The following ZZEF1 variants were observed in gnomAD, a reference collection of about 807,000 sequenced individuals.
ZZEF1 encodes zinc finger ZZ-type and EF-hand domain containing 1.
Under a neutral mutation model 342.8 loss-of-function variants are expected in ZZEF1, and 157 were observed. The observed-to-expected ratio is 0.46, with a 90% CI of 0.40 to 0.52. The LOEUF is 0.52. ZZEF1 is among the 20% of genes least tolerant of loss of function. The probability of loss-of-function intolerance (pLI) is 0.00; values close to 1 mark genes in which losing one functional copy is unlikely to be tolerated. For synonymous variants in ZZEF1, 1,505 were observed against 1,429.1 expected (o/e 1.05, Z -1.20); for missense variants, 3,480 against 3,725.6 (o/e 0.93, Z 1.72).
chr17:4,077,803 C>T (rs2057650909), intron 19 of ZZEF1, 80 bp downstream of exon 19: 1 of 1,444,578 alleles, frequency 6.9e-7, no homozygotes, highest in Admixed American at 1.8e-5. Context: ...ACACTCATTG[C>T]ATGAGTTACT....
intron 52 of ZZEF1, among the ~76,000 whole-genome samples, chr17:4,011,954 C>T (rs1292756436): frequency 3.3e-5 from 5 of 152,196 alleles, no homozygotes; most frequent in African/African-American, 9.7e-5. Context: ...CAGGCAGGCC[C>T]CTCTCTCACT....
Position 4,034,052 on chromosome 17 carries a change from GGGT to G in ZZEF1, c.6544_6546del (p.Thr2182del). On this transcript the variant is annotated inframe_deletion, in exon 40 of 55. Coordinates refer to ENST00000381638, the MANE Select transcript of ZZEF1 (RefSeq NM_015113.4). ...ACAGCTCCCAGGCTAAAGAGCAGGT[GGGT>G]GGTTTTCCAGCCATCTGGCACAATG... is the stretch of plus-strand genomic sequence containing the variant. 1 of 1,614,188 alleles carries G rather than the reference GGGT, an allele frequency of 6.2e-7. No individual in the cohort carries two copies. The highest frequency in any genetic ancestry group is 8.5e-7 in the Non-Finnish European group (1 of 1,180,034).
rs769386081 is a variant in ZZEF1, at chr17:4,059,181, G to A, written c.4993C>T (p.Leu1665=). The A allele has an allele frequency of 1.3e-6, 2 of 1,586,794 alleles. No individual in the cohort carries two copies. Among genetic ancestry groups the A allele is most frequent in the Admixed American group, 4.0e-5 (2 of 50,454 alleles). The stretch of plus-strand genomic sequence containing the variant: ...AAAGTTATCCAGTACCTGTCATTTA[G>A]GCTACTAAATCCTTTAACTGCTTTG... ...LVKAVKGFSS[L]NDRSLLPALS... The change falls in exon 31 of 55, where the codon CTA becomes TTA. Residue 1665 remains leucine (L), a synonymous_variant. Transcript: ENST00000381638.
intron 8 of ZZEF1, among the ~76,000 whole-genome samples, chr17:4,104,392 G>T (rs2058176021): frequency 6.6e-6 from 1 of 152,132 alleles, no homozygotes; most frequent in African/African-American, 2.4e-5. Flanking sequence ...GTATAGCCTT[G>T]TGGACAATCA....
chr17:4,027,518 C>T (rs1373238476), intron 42 of ZZEF1, among the ~76,000 whole-genome samples: 1 of 151,128 alleles, frequency 6.6e-6, no homozygotes, highest in Non-Finnish European at 1.5e-5. Flanking sequence ...TAGTCTCAAA[C>T]TCCTGACCTC....
intron 29 of ZZEF1, among the ~76,000 whole-genome samples, chr17:4,063,727 C>CT (rs2057331541): frequency 8.6e-6 from 1 of 116,624 alleles, no homozygotes; most frequent in Non-Finnish European, 1.7e-5. Context: ...ACACTCAGGT[C>CT]ATTTTTTTTT....
At chr17:4,096,465 C>T (rs2058035040) in intron 10 of ZZEF1, 144 bp downstream of exon 10, 1 of 692,222 alleles carries the variant, frequency 1.4e-6, no homozygotes, top group Non-Finnish European at 2.5e-6. Flanking sequence ...ATAGCTCATC[C>T]TCATCCTCTG....
chr17:4,102,012 C>T (rs969281559), intron 9 of ZZEF1, among the ~76,000 whole-genome samples: 1 of 151,984 alleles, frequency 6.6e-6, no homozygotes, highest in African/African-American at 2.4e-5. Flanking sequence ...CTGAAGATAA[C>T]ACAATAGAAA....
chr17:4,013,314 A>G, intron 52 of ZZEF1, 135 bp downstream of exon 52: 3 of 880,390 alleles, frequency 3.4e-6, no homozygotes, highest in Non-Finnish European at 4.8e-6. Flanking sequence ...CATAAAGCAA[A>G]TGACTGAAAA....
Position 4,112,705 on chromosome 17 carries a change from T to C in ZZEF1, c.970A>G (p.Asn324Asp), listed in dbSNP as rs773474948. Residue 324 changes from asparagine (N) to aspartate (D), a missense_variant, in exon 5 of 55, where the codon AAT becomes GAT. Asn to Asp is a conservative substitution (Grantham distance 23, BLOSUM62 1). Around this residue, in one of 5 missense-constraint regions of ZZEF1, gnomAD observed 92 missense variants for 130.3 expected, o/e 0.71. Coordinates refer to ENST00000381638, the MANE Select transcript of ZZEF1 (RefSeq NM_015113.4). ...PQQVTVAVGR[N>D]ASDLQEVRDV... ...CGGACTTCCTGAAGATCGCTGGCAT[T>C]CCTCCCTACAGCTACTGTCACCTGC... The C allele has an allele frequency of 6.2e-7, 1 of 1,614,058 alleles. No individual in the cohort carries two copies. Among genetic ancestry groups the C allele is most frequent in the African/African-American group, 1.3e-5 (1 of 74,932 alleles).
In ZZEF1 at chr17:4,087,770, G is replaced by A. The variant is rs1038371149; in HGVS notation, c.2242-236C>T. On this transcript the variant is annotated intron_variant, in intron 13 of 54. Transcript: ENST00000381638. ...GTATGTATGTATGTAAGTGTATATAGATATATACACACAACACACACACAC... is the reference window on the plus strand; with the variant it reads ...GTATGTATGTATGTAAGTGTATATAAATATATACACACAACACACACACAC... 2.9e-5 allele frequency among the ~76,000 whole-genome samples: 4 copies of A among 135,958 alleles called. No individual in the cohort carries two copies. In the East Asian group the frequency reaches 8.4e-4, roughly 28 times the overall value. 89.2% of individuals were successfully genotyped at this position (135,958 alleles called of 152,430 possible).
chr17:4,142,085 G>A (rs2058863125), intron 1 of ZZEF1, among the ~76,000 whole-genome samples: 1 of 152,212 alleles, frequency 6.6e-6, no homozygotes, highest in South Asian at 2.1e-4. Context: ...GTTTTAGAAT[G>A]TGAGCCTTTC....
intron 16 of ZZEF1, among the ~76,000 whole-genome samples, chr17:4,084,589 T>C (rs1480644353): frequency 4.6e-5 from 7 of 152,246 alleles, no homozygotes; most frequent in East Asian, 1.9e-4. Context: ...GTTTTTGATA[T>C]GGCCTAGAGA....
At chr17:4,133,040 G>A (rs1409527794) in intron 1 of ZZEF1, among the ~76,000 whole-genome samples, 3 of 152,002 alleles carry the variant, frequency 2.0e-5, no homozygotes, top group African/African-American at 4.8e-5. Context: ...GAGGCCCTGC[G>A]GTGGGAACGC....
intron 39 of ZZEF1, among the ~76,000 whole-genome samples, chr17:4,036,853 C>A (rs1266181096): frequency 6.6e-6 from 1 of 151,122 alleles, no homozygotes; most frequent in Non-Finnish European, 1.5e-5. Context: ...TCCCCGCACC[C>A]CGCCCGCCCG....
intron 43 of ZZEF1, among the ~76,000 whole-genome samples, chr17:4,024,672 A>C (rs1256914757): frequency 6.6e-6 from 1 of 152,224 alleles, no homozygotes; most frequent in African/African-American, 2.4e-5. Context: ...CTCGTCTGAC[A>C]AAGTTGTGTT....
intron 42 of ZZEF1, 101 bp downstream of exon 42, chr17:4,032,025 C>T: frequency 7.7e-7 from 1 of 1,305,036 alleles, no homozygotes; most frequent in Non-Finnish European, 1.0e-6. Flanking sequence ...TTAAAAAAAT[C>T]ACACGCAGGC....
At chr17:4,048,929 A>G (rs1320806920) in intron 37 of ZZEF1, among the ~76,000 whole-genome samples, 2 of 141,928 alleles carry the variant, frequency 1.4e-5, no homozygotes, top group Non-Finnish European at 3.0e-5. Context: ...CCTGTTGGCC[A>G]GGCTGGTCTT....
chr17:4,094,673 A>G (rs560484621), intron 11 of ZZEF1, among the ~76,000 whole-genome samples: 1 of 152,056 alleles, frequency 6.6e-6, no homozygotes, highest in South Asian at 2.1e-4. Context: ...GGCACTACCA[A>G]TTTCCCCACC....
Sources: allele counts gnomAD v4.1 joint callset (sites outside exome capture counted in the v4.1 genomes callset), GRCh38; gene constraint gnomAD v4.1.1; regional missense constraint gnomAD v4.1.1; transcripts MANE v1.5; gene names NCBI Gene and HGNC (gene_info 2026-07-23, HGNC 2026-07-21).